Variants in WDFY3 observed in about 807,000 individuals in gnomAD.
WDFY3 encodes WD repeat and FYVE domain containing 3.
Under a neutral mutation model 409.6 loss-of-function variants are expected in WDFY3, and 66 were observed. The ratio of observed to expected loss-of-function variants is 0.16; its 90% CI spans 0.13 to 0.20. The LOEUF is 0.20. Ranked by LOEUF, WDFY3 falls within the 10% of genes least tolerant of loss-of-function variation. The pLI is 1.00. For synonymous variants in WDFY3, 1,521 were observed against 1,537.1 expected, an observed-to-expected ratio of 0.99 and a Z score of 0.25; for missense variants, 3,031 against 4,298.1, an observed-to-expected ratio of 0.71 and a Z score of 8.24.
In WDFY3 at chr4:84,774,975, G is replaced by A; in HGVS notation, c.4599C>T (p.Ala1533=). 6.2e-7 allele frequency: 1 copy of A among 1,613,604 alleles called. No individual in the cohort carries two copies. Among genetic ancestry groups the A allele is most frequent in the Non-Finnish European group, 8.5e-7 (1 of 1,179,808 alleles). The change falls in exon 29 of 68, where the codon GCC becomes GCT. Residue 1533 remains alanine, a synonymous_variant. Transcript: ENST00000295888. ...CTCTCATTAATTTGGCATTCTTTGA[G>A]GCTTCACTATAAGAGAAAGAAGATT... ...FIELLTESSE[A]SKNAKLMREF... is the part of the protein sequence containing the mutation.
intron 4 of WDFY3, among the ~76,000 whole-genome samples, chr4:84,852,417 C>A (rs1283407242): frequency 2.6e-5 from 4 of 152,174 alleles, no homozygotes; most frequent in Non-Finnish European, 4.4e-5. Flanking sequence ...ATAATATAAA[C>A]AATTCCTTCC....
In WDFY3 at chr4:84,831,438, A is replaced by G. The variant is rs959464744; in HGVS notation, c.744T>C (p.Ser248=). Residue 248 remains serine, a synonymous_variant, in exon 8 of 68, where the codon AGT becomes AGC. Coordinates refer to ENST00000295888, the MANE Select transcript of WDFY3 (RefSeq NM_014991.6). ...CATGAATATACTTCACTACATTGAC[A>G]CTAAGACCATGACGAGATATGGTCA... The part of the protein sequence containing the change: ...VLMTISRHGL[S]VNVVKYIHEK... 3 of 1,613,220 alleles carry G rather than the reference A, an allele frequency of 1.9e-6. No homozygotes were observed. The highest frequency in any genetic ancestry group is 2.5e-6 in the Non-Finnish European group (3 of 1,179,624).
chr4:84,919,604 A>T (rs996535958), intron 2 of WDFY3, among the ~76,000 whole-genome samples: 2 of 152,116 alleles, frequency 1.3e-5, no homozygotes, highest in Non-Finnish European at 2.9e-5. Context: ...GGTTACCTCC[A>T]TGTTGTTCTC....
rs867852842 is a variant in WDFY3 at position 84,826,962 on chromosome 4, C to T, written c.976G>A (p.Ala326Thr). 1.2e-6 allele frequency: 2 copies of T among 1,607,614 alleles called. No individual in the cohort carries two copies. Among genetic ancestry groups the T allele is most frequent in the Middle Eastern group, 1.7e-4 (1 of 6,056 alleles). ...LLLRLEQAKE[A>T]ESKDALKDLV... is the part of the protein sequence containing the mutation. The stretch of plus-strand genomic sequence containing the variant: ...TCTTTCAAGGCATCTTTGGATTCTG[C>T]CTCTTTTGCTTGTTCCAATCTAGAA... The change falls in exon 10 of 68, where the codon GCA becomes ACA. Residue 326 changes from alanine (A) to threonine (T), a missense_variant. This residue lies in a region of WDFY3 where 1,322 missense variants were observed against 1,697.9 expected (regional missense o/e 0.78). Transcript: ENST00000295888.
intron 49 of WDFY3, among the ~76,000 whole-genome samples, chr4:84,716,671 C>T (rs1046587064): frequency 1.3e-5 from 2 of 151,112 alleles, no homozygotes; most frequent in African/African-American, 4.9e-5. Flanking sequence ...TGGTGGCGGG[C>T]GCCTATAGTC....
intron 1 of WDFY3, among the ~76,000 whole-genome samples, chr4:84,939,583 T>C (rs1771859222): frequency 6.6e-6 from 1 of 152,184 alleles, no homozygotes; most frequent in Non-Finnish European, 1.5e-5. Flanking sequence ...CCTCTATTCA[T>C]TCACTTATTT....
chr4:84,796,812 A>G, intron 18 of WDFY3, 60 bp from the exon 19 acceptor site: 1 of 1,420,074 alleles, frequency 7.0e-7, no homozygotes, highest in Non-Finnish European at 9.7e-7. Context: ...TAACTTTACA[A>G]GGCTGATTTA....
intron 1 of WDFY3, among the ~76,000 whole-genome samples, chr4:84,951,357 G>A (rs573918780): frequency 6.6e-6 from 1 of 152,310 alleles, no homozygotes; most frequent in South Asian, 2.1e-4. Context: ...AGAAGTCACA[G>A]TGGGTTGAAC....
At chr4:84,912,089 A>C (rs2150751482) in intron 2 of WDFY3, among the ~76,000 whole-genome samples, 1 of 152,314 alleles carries the variant, frequency 6.6e-6, no homozygotes, top group Non-Finnish European at 1.5e-5. Flanking sequence ...AATGTGTCTC[A>C]AGGTTCATGC....
intron 32 of WDFY3, among the ~76,000 whole-genome samples, chr4:84,757,553 A>G (rs568911660): frequency 9.1e-4 from 138 of 152,308 alleles, no homozygotes; most frequent in African/African-American, 3.2e-3. Context: ...CTACAAAAAC[A>G]TAACTTAAAA....
chr4:84,934,653 T>C (rs994606042), intron 1 of WDFY3, among the ~76,000 whole-genome samples: 15 of 152,262 alleles, frequency 9.9e-5, no homozygotes, highest in Non-Finnish European at 1.5e-4. Context: ...TATCTTTTAA[T>C]ATATTAATTA....
chr4:84,827,000 G>GA lies in WDFY3; in HGVS notation c.957-20dup. ...TTCCAATCTAGAAAAGTATGATTTAGAAAGTATTTTTTTTCTCTTTGGTTG... is the reference window on the plus strand; with the variant it reads ...TTCCAATCTAGAAAAGTATGATTTAGAAAAGTATTTTTTTTCTCTTTGGTTG... On this transcript the variant is annotated intron_variant, in intron 9 of 67. Transcript: ENST00000295888. 1 of 1,592,178 alleles carries GA rather than the reference G, an allele frequency of 6.3e-7. No individual in the cohort carries two copies. The highest frequency in any genetic ancestry group is 8.5e-7 in the Non-Finnish European group (1 of 1,174,860).
intron 24 of WDFY3, 89 bp from the exon 25 acceptor site, chr4:84,783,163 CAT>C (rs1338713094): frequency 8.5e-7 from 1 of 1,172,404 alleles, no homozygotes; most frequent in East Asian, 2.4e-5. Context: ...TGAATGGTAA[CAT>C]ATCTTTTCTC....
intron 32 of WDFY3, among the ~76,000 whole-genome samples, chr4:84,761,274 T>C (rs1742544163): frequency 6.6e-6 from 1 of 152,192 alleles, no homozygotes; most frequent in South Asian, 2.1e-4. Flanking sequence ...GAAAAAAATG[T>C]ATATTCTGTT....
In WDFY3 at chr4:84,671,810, C is replaced by T. The variant is rs532225667; in HGVS notation, c.*1058G>A. 3.3e-5 allele frequency: 5 copies of T among 152,514 alleles called. No homozygotes were observed. The highest frequency in any genetic ancestry group is 2.1e-4 in the South Asian group (1 of 4,820). The allele number at this position is 152,514 out of a possible 1,614,324, so 9.4% of individuals were successfully genotyped here. ...ACAAAGTTTATATGTTAATTCTGTA[C>T]ACTTCTTTCTTTCCTTTTTTTACCC... On this transcript the variant is annotated 3_prime_UTR_variant, in exon 68 of 68. Coordinates refer to ENST00000295888, the MANE Select transcript of WDFY3 (RefSeq NM_014991.6).
At chr4:84,680,433 G>A (rs1041608432) in intron 64 of WDFY3, among the ~76,000 whole-genome samples, 1 of 152,188 alleles carries the variant, frequency 6.6e-6, no homozygotes, top group African/African-American at 2.4e-5. Flanking sequence ...GGGACCACAC[G>A]TGCATGCCAC....
At chr4:84,965,806 G>C (rs1394302702) in intron 1 of WDFY3, 1 of 152,348 alleles carries the variant, frequency 6.6e-6, no homozygotes, top group East Asian at 1.9e-4. Flanking sequence ...GCCAGGGCCT[G>C]ATCCCCTACC....
intron 36 of WDFY3, among the ~76,000 whole-genome samples, chr4:84,744,916 A>G (rs902300912): frequency 6.6e-6 from 1 of 151,930 alleles, no homozygotes; most frequent in Non-Finnish European, 1.5e-5. Context: ...GATTGTCAGC[A>G]AAGACATATG....
intron 31 of WDFY3, 85 bp downstream of exon 31, chr4:84,766,167 G>A: frequency 6.7e-7 from 1 of 1,495,436 alleles, no homozygotes; most frequent in Non-Finnish European, 9.0e-7. Context: ...TCTATTTAAA[G>A]TCAATGGCAA....
Sources: allele counts gnomAD v4.1 joint callset (sites outside exome capture counted in the v4.1 genomes callset), GRCh38; gene constraint gnomAD v4.1.1; regional missense constraint gnomAD v4.1.1; transcripts MANE v1.5; gene names NCBI Gene and HGNC (gene_info 2026-07-23, HGNC 2026-07-21).